The following NDUFS4 variants were observed in gnomAD, a reference collection of about 807,000 sequenced individuals.
NDUFS4 encodes NADH dehydrogenase [ubiquinone] iron-sulfur protein 4, mitochondrial.
In NDUFS4, 28 loss-of-function variants were observed where a neutral mutation model predicts 24.3. The observed-to-expected ratio is 1.15, with a 90% CI of 0.85 to 1.58. The LOEUF is 1.58. NDUFS4 is among the 40% of genes most tolerant of loss of function. The pLI is 0.00. For synonymous variants in NDUFS4, 93 were observed against 69.7 expected (o/e 1.34, Z -1.67); for missense variants, 223 against 207.9 (o/e 1.07, Z -0.45).
chr5:53,602,612 A>G, intron 1 of NDUFS4, among the ~76,000 whole-genome samples: 1 of 152,138 alleles, frequency 6.6e-6, no homozygotes, highest in East Asian at 1.9e-4. Flanking sequence ...ATGGTAGTGA[A>G]TATATTGTAT....
intron 3 of NDUFS4, among the ~76,000 whole-genome samples, chr5:53,649,263 T>G (rs1751952481): frequency 6.6e-6 from 1 of 152,158 alleles, no homozygotes; most frequent in Non-Finnish European, 1.5e-5. Context: ...CATGAATATA[T>G]TGGGTGATGC....
At chr5:53,653,529 GAAC>G (rs544279882) in intron 3 of NDUFS4, among the ~76,000 whole-genome samples, 62 of 152,000 alleles carry the variant, frequency 4.1e-4, no homozygotes, top group South Asian at 2.1e-3. Context: ...ACTGACTTTT[GAAC>G]AAGTAAATGA....
At chr5:53,583,419 T>C (rs1274442243) in intron 1 of NDUFS4, among the ~76,000 whole-genome samples, 1 of 152,222 alleles carries the variant, frequency 6.6e-6, no homozygotes. Context: ...AAGTTGTTCA[T>C]GAAGGAATGG....
chr5:53,670,614 G>T (rs947001591), intron 4 of NDUFS4, among the ~76,000 whole-genome samples: 1 of 148,712 alleles, frequency 6.7e-6, no homozygotes, highest in African/African-American at 2.4e-5. Flanking sequence ...AATATACAGG[G>T]TATACATTAT....
At chr5:53,652,418 A>G (rs1654232114) in intron 3 of NDUFS4, among the ~76,000 whole-genome samples, 1 of 149,122 alleles carries the variant, frequency 6.7e-6, no homozygotes, top group Non-Finnish European at 1.5e-5. Context: ...TAATTTTGTG[A>G]CAGAAATTTG....
intron 4 of NDUFS4, among the ~76,000 whole-genome samples, chr5:53,661,338 C>G (rs1250736867): frequency 1.3e-5 from 2 of 152,130 alleles, no homozygotes; most frequent in African/African-American, 4.8e-5. Context: ...TCTGAGGGCT[C>G]TGTTCTGTTC....
At chr5:53,595,672 C>A (rs1750113076) in intron 1 of NDUFS4, among the ~76,000 whole-genome samples, 1 of 152,188 alleles carries the variant, frequency 6.6e-6, no homozygotes, top group African/African-American at 2.4e-5. Flanking sequence ...TGCCCACATT[C>A]TCCTACTTAT....
At chr5:53,609,774 G>A (rs547281662) in intron 2 of NDUFS4, among the ~76,000 whole-genome samples, 139 of 150,730 alleles carry the variant, frequency 9.2e-4, no homozygotes, top group African/African-American at 3.3e-3. Flanking sequence ...TCAGCACTTG[G>A]GCCTTCACCT....
intron 2 of NDUFS4, among the ~76,000 whole-genome samples, chr5:53,614,730 GTTCTT>G (rs943762904): frequency 2.6e-5 from 4 of 151,914 alleles, no homozygotes; most frequent in Admixed American, 2.6e-4. Flanking sequence ...AACTGTGTCA[GTTCTT>G]TTCTTGCTTT....
At chr5:53,682,886 T>TAAC (rs548875073) in intron 4 of NDUFS4, among the ~76,000 whole-genome samples, 38 of 152,252 alleles carry the variant, frequency 2.5e-4, no homozygotes, top group African/African-American at 9.1e-4. Flanking sequence ...TTTACATCTT[T>TAAC]AACAACTTGA....
intron 2 of NDUFS4, 142 bp from the exon 3 acceptor site, chr5:53,646,091 A>G: frequency 1.4e-6 from 1 of 692,150 alleles, no homozygotes; most frequent in Non-Finnish European, 2.5e-6. Flanking sequence ...AAGTATCAGA[A>G]TGGTAGTGAA....
chr5:53,627,152 G>A (rs189184152), intron 2 of NDUFS4, among the ~76,000 whole-genome samples: 14 of 152,252 alleles, frequency 9.2e-5, no homozygotes, highest in Admixed American at 7.8e-4. Flanking sequence ...TTTCCCCATT[G>A]CGTGTTTTTG....
At chr5:53,596,646 G>T (rs1472522706) in intron 1 of NDUFS4, among the ~76,000 whole-genome samples, 1 of 152,232 alleles carries the variant, frequency 6.6e-6, no homozygotes, top group South Asian at 2.1e-4. Context: ...CAGGTGTGAG[G>T]AAATTACTGT....
intron 1 of NDUFS4, among the ~76,000 whole-genome samples, chr5:53,588,537 CTGACTG>C (rs1749842671): frequency 6.6e-6 from 1 of 151,548 alleles, no homozygotes; most frequent in Non-Finnish European, 1.5e-5. Context: ...ACGAGTCTGA[CTGACTG>C]TGAAGTTACT....
At chr5:53,639,992 G>A (rs1186626980) in intron 2 of NDUFS4, among the ~76,000 whole-genome samples, 2 of 152,006 alleles carry the variant, frequency 1.3e-5, no homozygotes, top group Non-Finnish European at 2.9e-5. Flanking sequence ...GAAATTTTTA[G>A]GTGAGTTAGT....
At position 53,587,439 on chromosome 5, in the gene NDUFS4, G is replaced by A. The variant is rs889790669; in HGVS notation, c.99-16013G>A. Among the ~76,000 whole-genome samples, 3 of 151,916 alleles carry A rather than the reference G, an allele frequency of 2.0e-5. No homozygotes were observed. The South Asian group carries it at 6.2e-4, about 32-fold the overall frequency. ...TAGTGGTTAGTATTTTGCTGGTTTT[G>A]CTTATTTTGCATATATATGTATATA... is the stretch of plus-strand genomic sequence containing the variant. On this transcript the variant is annotated intron_variant, in intron 1 of 4. Coordinates refer to ENST00000296684, the MANE Select transcript of NDUFS4 (RefSeq NM_002495.4).
chr5:53,596,263 C>T (rs1343347515), intron 1 of NDUFS4, among the ~76,000 whole-genome samples: 2 of 143,966 alleles, frequency 1.4e-5, no homozygotes, highest in Admixed American at 6.9e-5. Context: ...AAACCATATC[C>T]CTATAAAAAA....
At chr5:53,646,118 A>G in intron 2 of NDUFS4, 115 bp from the exon 3 acceptor site, 1 of 891,070 alleles carries the variant, frequency 1.1e-6, no homozygotes, top group Non-Finnish European at 1.8e-6. Flanking sequence ...CAGAAAATTT[A>G]TCTCAATTTA....
chr5:53,570,678 T>A (rs1749180353), intron 1 of NDUFS4, among the ~76,000 whole-genome samples: 1 of 132,718 alleles, frequency 7.5e-6, no homozygotes, highest in African/African-American at 2.9e-5. Flanking sequence ...TATTGTATTT[T>A]TTTTTCTTTT....
Sources: allele counts gnomAD v4.1 joint callset (sites outside exome capture counted in the v4.1 genomes callset), GRCh38; gene constraint gnomAD v4.1.1; transcripts MANE v1.5; gene names NCBI Gene and HGNC (gene_info 2026-07-23, HGNC 2026-07-21).